The following SEL1L variants were observed in gnomAD, a reference collection of about 807,000 sequenced individuals.
The protein encoded by SEL1L is SEL1L adaptor subunit of SYVN1 ubiquitin ligase.
A neutral mutation model predicts 109.8 loss-of-function variants in SEL1L; 52 were observed. The observed-to-expected ratio is 0.47, with a 90% confidence interval of 0.38 to 0.60. The LOEUF (loss-of-function observed/expected upper bound fraction) is 0.60. Among genes scored for constraint, SEL1L ranks in the 20% least tolerant of loss-of-function variants. The pLI is 0.00. For missense variants in SEL1L, 749 were observed against 962.2 expected (o/e 0.78, Z 2.93); for synonymous variants, 373 against 339.6 (o/e 1.10, Z -1.08).
Position 81,498,507 on chromosome 14 carries a change from T to C in SEL1L, c.892-13A>G, listed in dbSNP as rs761784795. 6.8e-6 allele frequency: 11 copies of C among 1,606,174 alleles called. No individual in the cohort carries two copies. In the South Asian group the frequency reaches 1.2e-4, roughly 18 times the overall value. On this transcript the variant is annotated splice_polypyrimidine_tract_variant and intron_variant, in intron 8 of 20. Coordinates refer to ENST00000336735, the MANE Select transcript of SEL1L (RefSeq NM_005065.6). ...AGTATCTGTAACCCTGTAAAACAAC[T>C]TCACGTGAGGAGGCAGCAGTTTCAT...
intron 19 of SEL1L, among the ~76,000 whole-genome samples, chr14:81,480,457 C>A (rs1179311913): frequency 6.6e-6 from 1 of 152,158 alleles, no homozygotes; most frequent in African/African-American, 2.4e-5. Context: ...CCAAAGTGGG[C>A]TCATTCTTAT....
At chr14:81,497,562 G>A (rs775691936) in intron 10 of SEL1L, among the ~76,000 whole-genome samples, 14 of 152,132 alleles carry the variant, frequency 9.2e-5, no homozygotes, top group Non-Finnish European at 1.8e-4. Context: ...TTCATCATTG[G>A]TGACTCCAGT....
intron 10 of SEL1L, 37 bp downstream of exon 10, chr14:81,497,855 G>A (rs1453051934): frequency 6.3e-7 from 1 of 1,589,216 alleles, no homozygotes; most frequent in Admixed American, 1.7e-5. Context: ...AATATACAAT[G>A]CAGTAAAGAT....
At chr14:81,509,959 G>A (rs1292768172) in intron 3 of SEL1L, among the ~76,000 whole-genome samples, 1 of 152,170 alleles carries the variant, frequency 6.6e-6, no homozygotes, top group African/African-American at 2.4e-5. Flanking sequence ...TACACTATGG[G>A]GCAGCCATTA....
chr14:81,496,334 C>T (rs1178860335), intron 10 of SEL1L, among the ~76,000 whole-genome samples: 1 of 148,440 alleles, frequency 6.7e-6, no homozygotes, highest in East Asian at 1.9e-4. Flanking sequence ...AAAACAAAAA[C>T]AAAAACAAAA....
At position 81,498,071 on chromosome 14, in the gene SEL1L, A is replaced by G. The variant is rs200647340; in HGVS notation, c.974-25T>C. Reference sequence around the variant, plus strand: ...ACTGAAATAGAGGGATAAAACAATAAGGTGGAGGAAAATCAGAAGAATTGT... The same window carrying G: ...ACTGAAATAGAGGGATAAAACAATAGGGTGGAGGAAAATCAGAAGAATTGT... On this transcript the variant is annotated intron_variant, in intron 9 of 20. Coordinates refer to ENST00000336735, the MANE Select transcript of SEL1L (RefSeq NM_005065.6). 8.5e-5 allele frequency: 135 copies of G among 1,593,156 alleles called. No individual in the cohort carries two copies. The African/African-American group carries it at 1.6e-3, about 19-fold the overall frequency.
In SEL1L at chr14:81,496,185, A is replaced by G. The variant is rs371226014; in HGVS notation, c.1129-1048T>C. 9.9e-5 allele frequency among the ~76,000 whole-genome samples: 15 copies of G among 151,614 alleles called. No individual in the cohort carries two copies. The East Asian group carries it at 2.8e-3, about 28-fold the overall frequency. The stretch of plus-strand genomic sequence containing the variant: ...AAAAATACAAAAAAATTAGCCGGGC[A>G]TGGTAGCGGGTGCCTGTAGTCCCAG... On this transcript the variant is annotated intron_variant, in intron 10 of 20. Transcript: ENST00000336735.
At chr14:81,492,143 C>T (rs912531093) in intron 12 of SEL1L, among the ~76,000 whole-genome samples, 2 of 152,042 alleles carry the variant, frequency 1.3e-5, no homozygotes, top group African/African-American at 4.8e-5. Flanking sequence ...AGGCGCCCAC[C>T]ACCACACCCG....
intron 3 of SEL1L, among the ~76,000 whole-genome samples, chr14:81,518,591 C>T (rs1376692300): frequency 2.1e-5 from 3 of 139,606 alleles, no homozygotes; most frequent in African/African-American, 8.3e-5. Flanking sequence ...ACCCAGGAGG[C>T]GAAGGTTGCA....
chr14:81,515,761 A>C (rs1025400366), intron 3 of SEL1L, among the ~76,000 whole-genome samples: 1 of 152,208 alleles, frequency 6.6e-6, no homozygotes, highest in African/African-American at 2.4e-5. Flanking sequence ...TTATTACCCA[A>C]TCAGCCGCAG....
intron 1 of SEL1L, among the ~76,000 whole-genome samples, chr14:81,528,679 T>C (rs923390535): frequency 7.2e-5 from 11 of 152,156 alleles, no homozygotes; most frequent in African/African-American, 2.4e-5. Flanking sequence ...TATTCAGGAG[T>C]GAGTTTCAGT....
chr14:81,531,791 C>T (rs920177820), intron 1 of SEL1L, among the ~76,000 whole-genome samples: 3 of 152,204 alleles, frequency 2.0e-5, no homozygotes, highest in Non-Finnish European at 4.4e-5. Context: ...GATCCTTCCA[C>T]TTCAGCCTCC....
chr14:81,484,397 C>A lies in SEL1L; in HGVS notation c.1874G>T (p.Gly625Val). 1 of 1,604,528 alleles carries A rather than the reference C, an allele frequency of 6.2e-7. No individual in the cohort carries two copies. ...LLHWNRAASQ[G>V]YTVARIKLGD... Reference sequence around the variant, plus strand: ...GAGCTTAATTCTAGCCACAGTATAGCCTTAAACAAAAGTTAAATGCAGAAC... The same window carrying A: ...GAGCTTAATTCTAGCCACAGTATAGACTTAAACAAAAGTTAAATGCAGAAC... Residue 625 changes from glycine (G) to valine (V), a missense_variant and splice_region_variant, in exon 19 of 21, where the codon GGC becomes GTC. Gly to Val is a moderately radical substitution (Grantham distance 109). This residue lies in a region of SEL1L where 383 missense variants were observed against 562.5 expected (regional missense o/e 0.68). Coordinates refer to ENST00000336735, the MANE Select transcript of SEL1L (RefSeq NM_005065.6).
intron 20 of SEL1L, among the ~76,000 whole-genome samples, chr14:81,478,703 C>G (rs1402849732): frequency 1.3e-5 from 2 of 152,194 alleles, no homozygotes; most frequent in Non-Finnish European, 2.9e-5. Context: ...CCCACAAGAC[C>G]AGTGCTCTGG....
chr14:81,477,302 A>AGTGTGTGTGTGT (rs1566968635), intron 20 of SEL1L, 121 bp from the exon 21 acceptor site: 4 of 403,926 alleles, frequency 9.9e-6, no homozygotes, highest in African/African-American at 9.0e-5. Flanking sequence ...AACGTTTTGC[A>AGTGTGTGTGTGT]ATGTGTGTGT....
At chr14:81,514,795 C>T (rs1262382537) in intron 3 of SEL1L, among the ~76,000 whole-genome samples, 1 of 152,138 alleles carries the variant, frequency 6.6e-6, no homozygotes, top group Non-Finnish European at 1.5e-5. Flanking sequence ...CAATTTGACC[C>T]ATAAACCCTG....
At position 81,480,134 on chromosome 14, in the gene SEL1L, AAAGTGGGG is replaced by A. The variant is rs1342890086; in HGVS notation, c.2047-402_2047-395del. 4.3e-3 allele frequency among the ~76,000 whole-genome samples: 650 copies of A among 152,286 alleles called. 6 individuals carry two copies. Among genetic ancestry groups the A allele is most frequent in the African/African-American group, 0.015 (628 of 41,558 alleles). ...GTTTCAGTTCTGGACAGTGATCTTC[AAAGTGGGG>A]TAGAAACACTCAAGATTTTACAACA... On this transcript the variant is annotated intron_variant, in intron 19 of 20. Transcript: ENST00000336735.
chr14:81,486,829 C>T (rs1167601694), intron 16 of SEL1L, among the ~76,000 whole-genome samples: 1 of 152,140 alleles, frequency 6.6e-6, no homozygotes, highest in Non-Finnish European at 1.5e-5. Flanking sequence ...AACTAAAGCA[C>T]AGAGATTTAG....
At chr14:81,511,835 CTATT>C (rs1288940739) in intron 3 of SEL1L, among the ~76,000 whole-genome samples, 1 of 152,144 alleles carries the variant, frequency 6.6e-6, no homozygotes, top group Non-Finnish European at 1.5e-5. Flanking sequence ...GCCAATTACT[CTATT>C]TTTCTTTTTT....
Sources: allele counts gnomAD v4.1 joint callset (sites outside exome capture counted in the v4.1 genomes callset), GRCh38; gene constraint gnomAD v4.1.1; regional missense constraint gnomAD v4.1.1; transcripts MANE v1.5; gene names NCBI Gene and HGNC (gene_info 2026-07-23, HGNC 2026-07-21).